The following NEDD9 variants were observed in gnomAD, a reference collection of about 807,000 sequenced individuals.
NEDD9 encodes enhancer of filamentation 1.
Under a neutral mutation model 76.6 loss-of-function variants are expected in NEDD9, and 26 were observed. The observed-to-expected ratio is 0.34, with a 90% CI of 0.25 to 0.47. The LOEUF is 0.47. Among genes scored for constraint, NEDD9 ranks in the 20% least tolerant of loss-of-function variants. The pLI is 1.00. For synonymous variants in NEDD9, 392 were observed against 414.2 expected, an observed-to-expected ratio of 0.95 and a Z score of 0.65; for missense variants, 937 against 1,058.5, an observed-to-expected ratio of 0.89 and a Z score of 1.59.
At chr6:11,311,671 C>T (rs186283523) in intron 2 of NEDD9, among the ~76,000 whole-genome samples, 462 of 152,326 alleles carry the variant, frequency 3.0e-3, no homozygotes, top group Middle Eastern at 6.8e-3. Flanking sequence ...ATGTTAATCA[C>T]AGTGCCTGGC....
rs141874168 is a variant in NEDD9 at position 11,300,691 on chromosome 6, A to T, written c.12+5301T>A. 4.1e-3 allele frequency among the ~76,000 whole-genome samples: 620 copies of T among 152,328 alleles called. 6 individuals carry two copies. In the East Asian group the frequency reaches 0.053, roughly 13 times the overall value. On this transcript the variant is annotated intron_variant, in intron 3 of 3. Transcript: ENST00000397378. ...TGGCAGAAACCCTACAAGCCAGAAG[A>T]GAGTGGGGGCCAATATTCAACATTC...
At chr6:11,382,187 T>A (rs1435050304) in exon 1 of NEDD9, 2 of 152,254 alleles carry the variant, frequency 1.3e-5, no homozygotes, top group Admixed American at 1.3e-4. Context: ...TCCCCGACGC[T>A]CTGGCCCTCT....
intron 1 of NEDD9, among the ~76,000 whole-genome samples, chr6:11,221,343 A>G (rs181088567): frequency 2.5e-4 from 37 of 150,868 alleles, no homozygotes; most frequent in Admixed American, 8.0e-4. Context: ...AGATCACGCC[A>G]TTGCACTCCA....
chr6:11,215,470 C>T (rs1173619458), intron 1 of NEDD9, among the ~76,000 whole-genome samples: 1 of 152,210 alleles, frequency 6.6e-6, no homozygotes, highest in Non-Finnish European at 1.5e-5. Flanking sequence ...TTCCCCTGTT[C>T]ATGGAACCAT....
At chr6:11,372,472 A>C (rs2113571525) in intron 1 of NEDD9, among the ~76,000 whole-genome samples, 1 of 152,314 alleles carries the variant, frequency 6.6e-6, no homozygotes, top group South Asian at 2.1e-4. Flanking sequence ...AGGACTGCAG[A>C]TATGTCTTTA....
chr6:11,257,358 T>G (rs1751012247), intron 3 of NEDD9, among the ~76,000 whole-genome samples: 1 of 152,182 alleles, frequency 6.6e-6, no homozygotes, highest in African/African-American at 2.4e-5. Context: ...TTGCCCCTAG[T>G]TGGGTGTCCC....
intron 3 of NEDD9, among the ~76,000 whole-genome samples, chr6:11,286,317 C>T (rs187131080): frequency 7.9e-5 from 12 of 152,218 alleles, no homozygotes; most frequent in Non-Finnish European, 1.5e-4. Flanking sequence ...ATTAGAATAG[C>T]AAGAATTAGA....
intron 1 of NEDD9, among the ~76,000 whole-genome samples, chr6:11,369,568 C>T (rs370185385): frequency 4.6e-5 from 7 of 152,264 alleles, no homozygotes; most frequent in South Asian, 4.1e-4. Flanking sequence ...CACAAAGCAA[C>T]GTAAACTCAT....
intron 3 of NEDD9, among the ~76,000 whole-genome samples, chr6:11,261,661 A>G (rs1490648072): frequency 1.3e-5 from 2 of 152,220 alleles, no homozygotes; most frequent in Non-Finnish European, 2.9e-5. Flanking sequence ...TCTAGTGAGT[A>G]TGACTACCTT....
intron 3 of NEDD9, among the ~76,000 whole-genome samples, chr6:11,261,042 C>T (rs1167734998): frequency 6.6e-6 from 1 of 152,062 alleles, no homozygotes. Flanking sequence ...ACTATAAAAA[C>T]GAAGCCATTT....
In NEDD9 at chr6:11,280,976, C is replaced by G. The variant is rs147406761; in HGVS notation, c.12+25016G>C. On this transcript the variant is annotated intron_variant, in intron 3 of 3. Transcript: ENST00000397378. ...TTGAGGATACATGGACCTTCAAGGCCTCTTTGAACCCACAGATTCTACGAC... is the reference window on the plus strand; with the variant it reads ...TTGAGGATACATGGACCTTCAAGGCGTCTTTGAACCCACAGATTCTACGAC... Among the ~76,000 whole-genome samples, 63 of 152,348 alleles carry G rather than the reference C, an allele frequency of 4.1e-4. 2 individuals are homozygous for G. The East Asian group carries it at 0.012, about 28-fold the overall frequency.
chr6:11,255,961 A>AT (rs896121381), intron 3 of NEDD9, among the ~76,000 whole-genome samples: 5 of 152,010 alleles, frequency 3.3e-5, no homozygotes, highest in African/African-American at 7.3e-5. Context: ...TCCTAATACT[A>AT]TTTTTTTGCT....
intron 3 of NEDD9, among the ~76,000 whole-genome samples, chr6:11,303,117 C>G (rs1228517758): frequency 1.3e-5 from 2 of 152,142 alleles, no homozygotes; most frequent in Non-Finnish European, 2.9e-5. Context: ...TTAGAAAACC[C>G]CATTGTCTCA....
chr6:11,348,137 A>T (rs1762398382), intron 1 of NEDD9, among the ~76,000 whole-genome samples: 1 of 152,212 alleles, frequency 6.6e-6, no homozygotes, highest in Admixed American at 6.6e-5. Flanking sequence ...ATTCCTATAC[A>T]CCAACAACAG....
intron 3 of NEDD9, among the ~76,000 whole-genome samples, chr6:11,272,703 G>A (rs1303697033): frequency 6.6e-6 from 1 of 152,156 alleles, no homozygotes; most frequent in Non-Finnish European, 1.5e-5. Context: ...GACCCTGGAG[G>A]TGTGGGATGA....
rs183593046 is a variant in NEDD9 at position 11,291,479 on chromosome 6, G to A, written c.12+14513C>T. ...TTAGTAGAGACGGGGTTTCACCGTA[G>A]TAGCCAGGATGGTCTTGATCTCCTG... On this transcript the variant is annotated intron_variant, in intron 3 of 3. Coordinates refer to the NEDD9 transcript ENST00000397378. Among the ~76,000 whole-genome samples the A allele has an allele frequency of 2.1e-3, 316 of 152,104 alleles. 1 individual carries two copies. The highest frequency in any genetic ancestry group is 3.6e-3 in the Non-Finnish European group (243 of 67,968).
intron 6 of NEDD9, among the ~76,000 whole-genome samples, chr6:11,186,196 G>A (rs1016786549): frequency 6.6e-6 from 1 of 151,968 alleles, no homozygotes; most frequent in African/African-American, 2.4e-5. Context: ...TACTCTTTCT[G>A]TCAAGATTGA....
At position 11,183,545 on chromosome 6, in the gene NEDD9, T is replaced by A. The variant is rs1444413189; in HGVS notation, c.*1617A>T. Reference sequence around the variant, plus strand: ...TTCCCACATGAACATTTCCTTGTAATGTAATGTATGACTTTTAATCTTCTT... The same window carrying A: ...TTCCCACATGAACATTTCCTTGTAAAGTAATGTATGACTTTTAATCTTCTT... On this transcript the variant is annotated 3_prime_UTR_variant, in exon 7 of 7. Coordinates refer to ENST00000379446, the MANE Select transcript of NEDD9 (RefSeq NM_006403.4). 2.0e-5 allele frequency: 3 copies of A among 152,256 alleles called. No homozygotes were observed. Among genetic ancestry groups the A allele is most frequent in the Non-Finnish European group, 4.4e-5 (3 of 68,044 alleles). 9.4% of individuals were successfully genotyped at this position (152,256 alleles called of 1,614,324 possible). A position where few individuals can be genotyped will look rare whatever the true frequency, so the allele number is the denominator to read the frequency against.
At chr6:11,368,952 C>T (rs940796309) in intron 1 of NEDD9, among the ~76,000 whole-genome samples, 6 of 152,186 alleles carry the variant, frequency 3.9e-5, no homozygotes, top group Non-Finnish European at 8.8e-5. Flanking sequence ...TCAAAATCAT[C>T]CATTGACTCA....
Sources: allele counts gnomAD v4.1 joint callset (sites outside exome capture counted in the v4.1 genomes callset), GRCh38; gene constraint gnomAD v4.1.1; transcripts MANE v1.5; gene names NCBI Gene and HGNC (gene_info 2026-07-23, HGNC 2026-07-21).